Variants in ANK2 observed in about 807,000 individuals in gnomAD.
ANK2 encodes the protein ankyrin-2.
Under a neutral mutation model 360.5 loss-of-function variants are expected in ANK2, and 83 were observed. That is an observed-to-expected ratio of 0.23 (90% CI 0.19 to 0.28). The LOEUF (loss-of-function observed/expected upper bound fraction) is 0.28. ANK2 is among the 10% of genes least tolerant of loss of function. ANK2 has a pLI of 1.00. For missense variants in ANK2, 4,201 were observed against 4,795.7 expected (o/e 0.88, Z 3.66); for synonymous variants, 1,740 against 1,759.5 (o/e 0.99, Z 0.28).
chr4:113,166,497 C>T (rs999134283), intron 1 of ANK2, among the ~76,000 whole-genome samples: 5 of 151,852 alleles, frequency 3.3e-5, no homozygotes, highest in Non-Finnish European at 7.4e-5. Context: ...TTTAAAAGCA[C>T]ATAGAGAATG....
At chr4:112,968,602 T>C in intron 2 of ANK2, among the ~76,000 whole-genome samples, 1 of 152,126 alleles carries the variant, frequency 6.6e-6, no homozygotes, top group South Asian at 2.1e-4. Context: ...TTTCTCTTTC[T>C]CCCTTCTCTT....
At chr4:112,980,821 G>T (rs905712339) in intron 2 of ANK2, among the ~76,000 whole-genome samples, 1 of 152,180 alleles carries the variant, frequency 6.6e-6, no homozygotes, top group Non-Finnish European at 1.5e-5. Context: ...AATTGGGAAA[G>T]ATTTCAGTCA....
At chr4:113,010,971 TA>T (rs1159037986) in intron 2 of ANK2, among the ~76,000 whole-genome samples, 9 of 152,116 alleles carry the variant, frequency 5.9e-5, no homozygotes, top group Non-Finnish European at 1.2e-4. Flanking sequence ...GAAGCAAGAA[TA>T]ATCACACTGT....
At chr4:112,857,859 A>G (rs2066844458) in intron 1 of ANK2, among the ~76,000 whole-genome samples, 1 of 152,146 alleles carries the variant, frequency 6.6e-6, no homozygotes, top group Non-Finnish European at 1.5e-5. Flanking sequence ...AGTGGGACTG[A>G]AGTAGGACCT....
At chr4:113,380,725 C>T (rs1259624042) in intron 45 of ANK2, among the ~76,000 whole-genome samples, 1 of 152,194 alleles carries the variant, frequency 6.6e-6, no homozygotes, top group East Asian at 1.9e-4. Flanking sequence ...GGCAAGTAAA[C>T]AACAGACTGT....
intron 2 of ANK2, chr4:113,034,686 A>T (rs2061198615): frequency 6.6e-6 from 1 of 151,950 alleles, no homozygotes; most frequent in Non-Finnish European, 1.5e-5. Context: ...AAATTACCTG[A>T]TTATTTTCCA....
intron 1 of ANK2, among the ~76,000 whole-genome samples, chr4:113,173,016 G>A (rs924424749): frequency 1.3e-5 from 2 of 152,222 alleles, no homozygotes; most frequent in Non-Finnish European, 1.5e-5. Context: ...AGGATGAAGA[G>A]TGAAGAACAG....
chr4:113,199,668 G>A (rs1257667662), intron 4 of ANK2, among the ~76,000 whole-genome samples: 1 of 151,198 alleles, frequency 6.6e-6, no homozygotes, highest in African/African-American at 2.4e-5. Context: ...TTTTTCTGGT[G>A]GAAAAGGGGA....
intron 2 of ANK2, among the ~76,000 whole-genome samples, chr4:113,016,557 A>G (rs577121197): frequency 1.3e-5 from 2 of 152,250 alleles, no homozygotes; most frequent in South Asian, 2.1e-4. Context: ...GTAGCCTTGC[A>G]TAGGGCTAAA....
At chr4:113,289,356 T>C (rs1563460271) in intron 20 of ANK2, among the ~76,000 whole-genome samples, 1 of 151,890 alleles carries the variant, frequency 6.6e-6, no homozygotes. Context: ...TATAGGTGCA[T>C]GACACCATGC....
intron 9 of ANK2, 50 bp from the exon 10 acceptor site, chr4:113,249,714 T>C: frequency 6.4e-7 from 1 of 1,564,130 alleles, no homozygotes; most frequent in Non-Finnish European, 8.8e-7. Context: ...AGATGAAATA[T>C]AGATTTTTTT....
At chr4:113,095,540 A>G (rs1343112238) in intron 1 of ANK2, among the ~76,000 whole-genome samples, 1 of 152,170 alleles carries the variant, frequency 6.6e-6, no homozygotes, top group African/African-American at 2.4e-5. Context: ...ATGTTCTGGC[A>G]TGTCCTATCT....
At chr4:113,281,778 G>A (rs1247910798) in intron 17 of ANK2, among the ~76,000 whole-genome samples, 1 of 152,040 alleles carries the variant, frequency 6.6e-6, no homozygotes, top group African/African-American at 2.4e-5. Flanking sequence ...ATAGAGTTTT[G>A]TTCTTGTAAG....
Position 113,338,419 on chromosome 4 carries a change from T to C in ANK2, c.3797-807T>C, listed in dbSNP as rs116004422. On this transcript the variant is annotated intron_variant, in intron 31 of 45. Coordinates refer to ENST00000357077, the MANE Select transcript of ANK2 (RefSeq NM_001148.6). ...TTTTTCATTTACCTTGCAATATTTATTGAGCTCTTACTATTTCACAAACAT... is the reference window on the plus strand; with the variant it reads ...TTTTTCATTTACCTTGCAATATTTACTGAGCTCTTACTATTTCACAAACAT... Among the ~76,000 whole-genome samples the C allele has an allele frequency of 7.5e-3, 1,144 of 152,280 alleles. 14 individuals carry two copies. The highest frequency in any genetic ancestry group is 0.026 in the African/African-American group (1,083 of 41,568).
the ANK2 span, among the ~76,000 whole-genome samples, chr4:112,809,859 T>C: frequency 6.7e-6 from 1 of 148,978 alleles, no homozygotes; most frequent in Non-Finnish European, 1.5e-5. Flanking sequence ...ACACAAAAAT[T>C]AGAAAAATTA....
At chr4:113,114,576 A>G (rs1258725874) in intron 1 of ANK2, among the ~76,000 whole-genome samples, 1 of 151,956 alleles carries the variant, frequency 6.6e-6, no homozygotes, top group Non-Finnish European at 1.5e-5. Context: ...TTTTTTACTT[A>G]TTAAGTTGAA....
rs2154074565 is a variant in ANK2, at chr4:113,373,317, C to T, written c.11727C>T (p.Ser3909=). The change falls in exon 45 of 46, where the codon TCC becomes TCT. Residue 3909 remains serine, a synonymous_variant. Transcript: ENST00000357077. Reference sequence around the variant, plus strand: ...GGAAAATCATTAGGCGGTATGTATCCTCTGAAGGCACAGAGAAAGAAGAGA... The same window carrying T: ...GGAAAATCATTAGGCGGTATGTATCTTCTGAAGGCACAGAGAAAGAAGAGA... ...VTRKIIRRYV[S]SEGTEKEEIM... 6.2e-6 allele frequency: 10 copies of T among 1,614,066 alleles called. No individual in the cohort carries two copies. Among genetic ancestry groups the T allele is most frequent in the Non-Finnish European group, 8.5e-6 (10 of 1,179,992 alleles).
the ANK2 span, among the ~76,000 whole-genome samples, chr4:112,713,035 C>T: frequency 6.6e-6 from 1 of 152,140 alleles, no homozygotes; most frequent in Admixed American, 6.5e-5. Flanking sequence ...CCTTCAATTC[C>T]TGATAGCCAC....
chr4:113,134,251 GA>G (rs1236161172), intron 1 of ANK2, among the ~76,000 whole-genome samples: 2 of 149,850 alleles, frequency 1.3e-5, no homozygotes, highest in Non-Finnish European at 3.0e-5. Flanking sequence ...AACTGCAATG[GA>G]AGTAGCTCTA....
Sources: gnomAD v4.1 joint callset for allele counts (sites outside exome capture counted in the v4.1 genomes callset) on GRCh38, gnomAD v4.1.1 for gene constraint, MANE v1.5 for transcripts, NCBI Gene and HGNC (gene_info 2026-07-23, HGNC 2026-07-21) for gene names.